Variants in IDO2 observed in about 807,000 individuals in gnomAD.
IDO2 encodes the protein indoleamine 2,3-dioxygenase 2.
IDO2 carries 46 observed loss-of-function variants against 45.1 expected under a neutral mutation model. The observed-to-expected ratio is 1.02, with a 90% CI of 0.80 to 1.30. The LOEUF (loss-of-function observed/expected upper bound fraction) is 1.30, where lower values mean the gene tolerates loss of function less well. Ranked by LOEUF, IDO2 falls within the 50% of genes most tolerant of loss-of-function variation. IDO2 has a pLI of 0.00. For synonymous variants in IDO2, 218 were observed against 184.9 expected (o/e 1.18, Z -1.45); for missense variants, 544 against 491.8 (o/e 1.11, Z -1.00).
At chr8:39,955,251 C>CTTTT (rs34726763) in intron 2 of IDO2, among the ~76,000 whole-genome samples, 1 of 97,022 alleles carries the variant, frequency 1.0e-5, no homozygotes, top group Non-Finnish European at 2.1e-5. Context: ...TAATATTTGC[C>CTTTT]TTTTTTTTTT....
chr8:39,977,246 G>A (rs1385717060), intron 3 of IDO2, among the ~76,000 whole-genome samples: 1 of 152,076 alleles, frequency 6.6e-6, no homozygotes, highest in African/African-American at 2.4e-5. Context: ...ATGATAAACA[G>A]GCAAAAATGC....
At chr8:39,937,685 T>C (rs1384382087) in intron 1 of IDO2, among the ~76,000 whole-genome samples, 1 of 152,088 alleles carries the variant, frequency 6.6e-6, no homozygotes, top group Non-Finnish European at 1.5e-5. Context: ...CACATCTGGC[T>C]AATTTTTTAT....
chr8:39,959,478 C>CCAATGCTTATGACTGTATTCCTTATAGG (rs71220806), intron 2 of IDO2, among the ~76,000 whole-genome samples: 1 of 152,190 alleles, frequency 6.6e-6, no homozygotes, highest in Admixed American at 6.5e-5. Flanking sequence ...AAATATAACT[C>CCAATGCTTATGACTGTATTCCTTATAGG]ATTATGTGTC....
Position 40,015,354 on chromosome 8 carries a change from C to T in IDO2, c.976C>T (p.Gln326Ter), listed in dbSNP as rs1802371955. The change falls in exon 11 of 11, where the codon CAG becomes TAG. Residue 326 changes from glutamine to a stop codon, truncating the protein, a stop_gained. Coordinates refer to ENST00000502986, the Ensembl canonical transcript of IDO2. LOFTEE classifies it high-confidence loss of function. ...GAGGGACTACATCCTGTCATCTGGA[C>T]AGGACCACTTGCTGACAGCTTATAA... 1 of 1,613,848 alleles carries T rather than the reference C, an allele frequency of 6.2e-7. No homozygotes were observed. Among genetic ancestry groups the T allele is most frequent in the Non-Finnish European group, 8.5e-7 (1 of 1,179,824 alleles).
intron 8 of IDO2, among the ~76,000 whole-genome samples, chr8:39,992,935 C>T (rs1236777171): frequency 1.3e-5 from 2 of 152,124 alleles, no homozygotes; most frequent in African/African-American, 4.8e-5. Flanking sequence ...GTCACTAGTC[C>T]TTTGCCCAGC....
intron 2 of IDO2, among the ~76,000 whole-genome samples, chr8:39,950,691 G>A (rs1306674301): frequency 6.6e-6 from 1 of 152,164 alleles, no homozygotes; most frequent in African/African-American, 2.4e-5. Context: ...CCATTGGCTG[G>A]AATAGGACCT....
intron 10 of IDO2, 21 bp from the exon 11 acceptor site, chr8:40,015,226 A>T (rs759351934): frequency 7.4e-7 from 1 of 1,346,670 alleles, no homozygotes; most frequent in Non-Finnish European, 1.0e-6. Context: ...CTATGACGTT[A>T]TGCTGTATTG....
At chr8:39,979,172 G>C (rs1206802237) in exon 4 of IDO2, 3 of 1,590,516 alleles carry the variant, frequency 1.9e-6, no homozygotes, top group Non-Finnish European at 1.7e-6. Flanking sequence ...GGAAGGAGAG[G>C]CGCAGCCTGC....
chr8:39,989,481 G>A (rs1281726668), intron 7 of IDO2, among the ~76,000 whole-genome samples: 2 of 152,148 alleles, frequency 1.3e-5, no homozygotes, highest in Non-Finnish European at 2.9e-5. Flanking sequence ...CCCTTGGGAG[G>A]TGCAAGAAGT....
At chr8:39,995,245 C>CTTCTTCTTCTTCTTCTT (rs1563438285) in intron 8 of IDO2, 12 of 68,748 alleles carry the variant, frequency 1.7e-4, no homozygotes, top group African/African-American at 5.1e-4. Flanking sequence ...TTCTCCTTCT[C>CTTCTTCTTCTTCTTCTT]CTTCTCCTTC....
chr8:39,994,534 G>C (rs1160782171), intron 8 of IDO2, among the ~76,000 whole-genome samples: 2 of 152,166 alleles, frequency 1.3e-5, no homozygotes, highest in African/African-American at 4.8e-5. Flanking sequence ...TGGGATTACA[G>C]GCATGAGCCA....
intron 4 of IDO2, 35 bp downstream of exon 4, chr8:39,979,221 G>A (rs1269951827): frequency 6.4e-7 from 1 of 1,555,740 alleles, no homozygotes; most frequent in East Asian, 2.4e-5. Context: ...CTGTTACCCG[G>A]CAGGTTACCT....
At chr8:39,970,397 A>G (rs1808160273) in intron 3 of IDO2, among the ~76,000 whole-genome samples, 1 of 152,108 alleles carries the variant, frequency 6.6e-6, no homozygotes, top group South Asian at 2.1e-4. Flanking sequence ...TTATTTATTA[A>G]TTTATTTATT....
intron 8 of IDO2, among the ~76,000 whole-genome samples, chr8:39,996,932 C>T (rs530784848): frequency 2.0e-5 from 3 of 152,278 alleles, no homozygotes; most frequent in South Asian, 2.1e-4. Flanking sequence ...ACATTGTAAA[C>T]GCCGCTAATT....
chr8:39,996,266 G>C (rs766916106), intron 8 of IDO2, among the ~76,000 whole-genome samples: 1 of 152,154 alleles, frequency 6.6e-6, no homozygotes, highest in Admixed American at 6.5e-5. Flanking sequence ...CAGCGGTCAC[G>C]CTCCTAGTCC....
At chr8:39,969,933 T>C (rs1299145647) in intron 3 of IDO2, among the ~76,000 whole-genome samples, 2 of 151,406 alleles carry the variant, frequency 1.3e-5, no homozygotes, top group Admixed American at 6.6e-5. Flanking sequence ...GAGAAAGTCA[T>C]GTCAAAACCA....
intron 6 of IDO2, 172 bp downstream of exon 6, chr8:39,985,694 T>G (rs986546742): frequency 2.3e-5 from 14 of 616,204 alleles, no homozygotes; most frequent in Admixed American, 1.9e-4. Flanking sequence ...AGTCTAAAAT[T>G]TAACAGTGAT....
intron 2 of IDO2, among the ~76,000 whole-genome samples, chr8:39,960,653 A>G (rs1487251717): frequency 6.6e-6 from 1 of 152,200 alleles, no homozygotes; most frequent in Non-Finnish European, 1.5e-5. Context: ...ATAAACTAAT[A>G]TATATTTGTG....
intron 2 of IDO2, among the ~76,000 whole-genome samples, chr8:39,962,635 G>A (rs964931954): frequency 4.0e-4 from 61 of 152,206 alleles, no homozygotes; most frequent in Admixed American, 1.7e-3. Flanking sequence ...AAGCAAAAGG[G>A]GAGTTCTCTG....
Sources: allele counts gnomAD v4.1 joint callset (sites outside exome capture counted in the v4.1 genomes callset), GRCh38; gene constraint gnomAD v4.1.1; transcripts MANE v1.5; gene names NCBI Gene and HGNC (gene_info 2026-07-23, HGNC 2026-07-21).